C6orf120: variants seen among roughly 807,000 people sequenced by gnomAD.
The protein encoded by C6orf120 is UPF0669 protein C6orf120.
For missense variants in C6orf120, 311 were observed against 264.2 expected (o/e 1.18, Z -1.23); for synonymous variants, 165 against 123.1 (o/e 1.34, Z -2.25).
At chr6:169,706,098 A>G (rs1221127284), downstream of C6orf120, among the ~76,000 whole-genome samples, 2 of 152,216 alleles carry the variant, frequency 1.3e-5, no homozygotes, top group African/African-American at 2.4e-5. Flanking sequence ...TTACTCTAAA[A>G]AGACCATTTT....
At position 169,702,662 on chromosome 6, in the gene C6orf120, G is replaced by GGATGCGCAGCCTCAAGGGA. The variant is rs1562977072; in HGVS notation, c.210_228dup (p.Asp77GlnfsTer111). The GGATGCGCAGCCTCAAGGGA allele has an allele frequency of 1.2e-6, 2 of 1,613,350 alleles. No individual in the cohort carries two copies. Among genetic ancestry groups the GGATGCGCAGCCTCAAGGGA allele is most frequent in the Non-Finnish European group, 1.7e-6 (2 of 1,180,020 alleles). On this transcript the variant is annotated frameshift_variant, in exon 1 of 1. Coordinates refer to ENST00000332290, the Ensembl canonical transcript of C6orf120. LOFTEE classifies it low-confidence loss of function (END_TRUNC). ...AACCACGAGGGCAAGATAGTCCTCA[G>GGATGCGCAGCCTCAAGGGA]GATGCGCAGCCTCAAGGGAGATGCG...
chr6:169,702,472 C>T (rs1467495783), exon 1 of C6orf120: 2 of 1,558,024 alleles, frequency 1.3e-6, no homozygotes, highest in Non-Finnish European at 1.7e-6. Flanking sequence ...GGCCGCTCCC[C>T]GCGGGAGGGC....
downstream of C6orf120, among the ~76,000 whole-genome samples, chr6:169,706,104 A>G (rs1430659399): frequency 6.6e-6 from 1 of 152,228 alleles, no homozygotes; most frequent in Non-Finnish European, 1.5e-5. Flanking sequence ...TAAAAAGACC[A>G]TTTTAAATAG....
exon 1 of C6orf120, chr6:169,703,582 T>C (rs1788593308): frequency 9.3e-6 from 2 of 216,174 alleles, no homozygotes; most frequent in Non-Finnish European, 2.0e-5. Flanking sequence ...ACCAGTCCAA[T>C]AATGACAACT....
exon 1 of C6orf120, chr6:169,702,408 T>C (rs72571025): frequency 0.08 from 91,409 of 1,136,484 alleles, 10,636 homozygotes; most frequent in East Asian, 0.59. Flanking sequence ...GCGCCTCCGG[T>C]GTCCCCAGCA....
At chr6:169,703,428 T>A (rs1788569974) in exon 1 of C6orf120, 1 of 240,442 alleles carries the variant, frequency 4.2e-6, no homozygotes, top group Non-Finnish European at 8.8e-6. Flanking sequence ...TTTCAAGAGT[T>A]ACTAAAATCA....
At chr6:169,702,923 A>G in exon 1 of C6orf120, 1 of 1,612,700 alleles carries the variant, frequency 6.2e-7, no homozygotes, top group Non-Finnish European at 8.5e-7. Context: ...GACGGCGCAG[A>G]TGCCGGCCAG....
At chr6:169,705,857 C>A, downstream of C6orf120, 1 of 639,104 alleles carries the variant, frequency 1.6e-6, no homozygotes. Context: ...AAAGACAAAA[C>A]TTGACAGGAG....
exon 1 of C6orf120, chr6:169,702,303 C>A: frequency 3.0e-6 from 2 of 666,954 alleles, no homozygotes; most frequent in South Asian, 1.6e-5. Context: ...CCCGGGGCCT[C>A]ACGCGGGTGG....
exon 1 of C6orf120, chr6:169,704,558 T>C (rs1425855489): frequency 5.8e-6 from 1 of 171,328 alleles, no homozygotes; most frequent in East Asian, 1.9e-4. Context: ...TCTGAATTAC[T>C]ACAGAAAAAT....
At chr6:169,705,295 T>C (rs774263742), downstream of C6orf120, 11 of 1,612,224 alleles carry the variant, frequency 6.8e-6, no homozygotes, top group South Asian at 5.5e-5. Flanking sequence ...ACAAGCTCCA[T>C]TGTCATATCC....
chr6:169,706,070 G>A (rs1415787865), downstream of C6orf120, among the ~76,000 whole-genome samples: 1 of 152,056 alleles, frequency 6.6e-6, no homozygotes, highest in Non-Finnish European at 1.5e-5. Context: ...AGTAGCAAAT[G>A]ACCATTATGT....
At position 169,703,027 on chromosome 6, in the gene C6orf120, CTCTTT is replaced by C; in HGVS notation, c.570_574del (p.Phe191SerfsTer3). The C allele has an allele frequency of 3.9e-6, 6 of 1,552,020 alleles. No homozygotes were observed. Among genetic ancestry groups the C allele is most frequent in the Non-Finnish European group, 5.2e-6 (6 of 1,146,408 alleles). ...CATTTTGAAACTGGTACTTGAAATT[CTCTTT>C]TGAGTCGTTGACCACACTCTGGGAT... is the stretch of plus-strand genomic sequence containing the variant. On this transcript the variant is annotated frameshift_variant, in exon 1 of 1. Transcript: ENST00000332290. LOFTEE classifies it high-confidence loss of function.
exon 1 of C6orf120, chr6:169,702,948 C>G: frequency 6.2e-7 from 1 of 1,610,874 alleles, no homozygotes; most frequent in Middle Eastern, 1.7e-4. Context: ...ACGCTGGTGC[C>G]CCGGAAGACG....
rs1372177914 is a variant in C6orf120 at position 169,704,017 on chromosome 6, T to G, written c.*982T>G. ...CAAAAACTATTTTATCCCTCTTTGC[T>G]GTTTTTCCCCCTTCTGCCCACTTTC... On this transcript the variant is annotated 3_prime_UTR_variant, in exon 1 of 1. Transcript: ENST00000332290. The G allele has an allele frequency of 1.2e-6, 2 of 1,601,376 alleles. No homozygotes were observed. The highest frequency in any genetic ancestry group is 2.7e-5 in the African/African-American group (2 of 74,180).
chr6:169,705,531 T>C (rs1788752675), downstream of C6orf120: 2 of 856,616 alleles, frequency 2.3e-6, no homozygotes, highest in South Asian at 1.4e-5. Context: ...ACTCTTTGGT[T>C]GAAATCTGCC....
exon 1 of C6orf120, chr6:169,702,315 A>G: frequency 1.5e-6 from 1 of 656,550 alleles, no homozygotes; most frequent in Non-Finnish European, 2.7e-6. Context: ...CGCGGGTGGG[A>G]AGGGACAGTC....
exon 1 of C6orf120, chr6:169,702,921 A>G: frequency 1.2e-6 from 2 of 1,612,666 alleles, no homozygotes; most frequent in Non-Finnish European, 1.7e-6. Context: ...CCGACGGCGC[A>G]GATGCCGGCC....
downstream of C6orf120, among the ~76,000 whole-genome samples, chr6:169,706,046 G>A (rs925592645): frequency 2.6e-5 from 4 of 152,168 alleles, no homozygotes; most frequent in Admixed American, 2.6e-4. Flanking sequence ...CTATTAATTG[G>A]ACAAGAAAAT....
Sources: gnomAD v4.1 joint callset for allele counts (sites outside exome capture counted in the v4.1 genomes callset) on GRCh38, gnomAD v4.1.1 for gene constraint, MANE v1.5 for transcripts, NCBI Gene and HGNC (gene_info 2026-07-23, HGNC 2026-07-21) for gene names.